Variants in BEGAIN observed in about 807,000 individuals in gnomAD.
BEGAIN encodes the protein brain-enriched guanylate kinase-associated protein.
In BEGAIN, 19 loss-of-function variants were observed where a neutral mutation model predicts 35.8. The observed-to-expected ratio is 0.53, with a 90% confidence interval of 0.37 to 0.78. BEGAIN has a LOEUF of 0.78. BEGAIN is among the 30% of genes least tolerant of loss of function. BEGAIN has a pLI of 0.00. For synonymous variants in BEGAIN, 462 were observed against 388.6 expected (o/e 1.19, Z -2.22); for missense variants, 795 against 853.6 (o/e 0.93, Z 0.85).
intron 2 of BEGAIN, among the ~76,000 whole-genome samples, chr14:100,565,821 C>T (rs1233779550): frequency 6.6e-6 from 1 of 152,192 alleles, no homozygotes; most frequent in Non-Finnish European, 1.5e-5. Context: ...GTGGTTAGGA[C>T]ACCCACTTTA....
intron 1 of BEGAIN, among the ~76,000 whole-genome samples, chr14:100,571,430 AC>A (rs1249407971): frequency 6.6e-6 from 1 of 151,914 alleles, no homozygotes; most frequent in Non-Finnish European, 1.5e-5. Context: ...ATGCCCGTCC[AC>A]CCTTTCCTCT....
chr14:100,574,049 G>A (rs2035148988), intron 1 of BEGAIN, among the ~76,000 whole-genome samples: 1 of 152,152 alleles, frequency 6.6e-6, no homozygotes, highest in South Asian at 2.1e-4. Flanking sequence ...TGACCCACAG[G>A]TAGGACAAGG....
At chr14:100,575,651 G>A (rs1362690119) in intron 1 of BEGAIN, among the ~76,000 whole-genome samples, 1 of 152,156 alleles carries the variant, frequency 6.6e-6, no homozygotes, top group Non-Finnish European at 1.5e-5. Context: ...GTGGGGGAAG[G>A]TGGGGTGCAG....
At chr14:100,585,875 G>A (rs575512210) in intron 1 of BEGAIN, among the ~76,000 whole-genome samples, 2 of 152,380 alleles carry the variant, frequency 1.3e-5, no homozygotes, top group South Asian at 4.1e-4. Flanking sequence ...GGCCCTTGGC[G>A]GCAGCGCAGC....
rs896013940 is a variant in BEGAIN at position 100,563,039 on chromosome 14, C to A, written c.71+4872G>T. ...GGAGAGGGTGCCCTTTGAGGGGGGG[C>A]GTGGAGGGGCAGGGCAGGACAGGGT... On this transcript the variant is annotated intron_variant, in intron 2 of 6. Transcript: ENST00000554140. This position sits in a 1 kb window ranked among gnomAD's most constrained non-coding sequence, Gnocchi z 4.2. 1.3e-5 allele frequency among the ~76,000 whole-genome samples: 2 copies of A among 152,064 alleles called. No individual in the cohort carries two copies. The highest frequency in any genetic ancestry group is 4.8e-5 in the African/African-American group (2 of 41,400).
chr14:100,579,789 T>G (rs2035278274), intron 1 of BEGAIN, among the ~76,000 whole-genome samples: 1 of 152,092 alleles, frequency 6.6e-6, no homozygotes, highest in South Asian at 2.1e-4. Flanking sequence ...CCGCTTCAAC[T>G]CTTTCCTTCC....
rs1176979694 is a variant in BEGAIN, at chr14:100,539,211, G to C, written c.597C>G (p.Thr199=). 3.2e-6 allele frequency: 5 copies of C among 1,585,536 alleles called. No individual in the cohort carries two copies. Among genetic ancestry groups the C allele is most frequent in the South Asian group, 1.2e-5 (1 of 86,386 alleles). Reference sequence around the variant, plus strand: ...TCTCCAGCACCTTGGCAATGACGCAGGTGGGGACGCTGTCGGCGTAGGCCG... The same window carrying C: ...TCTCCAGCACCTTGGCAATGACGCACGTGGGGACGCTGTCGGCGTAGGCCG... ...CHPAYADSVP[T]CVIAKVLEKP... is the part of the protein sequence containing the mutation. The change falls in exon 7 of 7, where the codon ACC becomes ACG. Residue 199 remains threonine (T), a synonymous_variant. Transcript: ENST00000554140.
At chr14:100,552,174 G>A (rs1028343359) in intron 2 of BEGAIN, among the ~76,000 whole-genome samples, 10 of 152,166 alleles carry the variant, frequency 6.6e-5, no homozygotes, top group Non-Finnish European at 1.3e-4. Flanking sequence ...GAGTAGAAAG[G>A]CTAGGACCCA....
At chr14:100,575,304 C>T (rs2035178675) in intron 1 of BEGAIN, among the ~76,000 whole-genome samples, 1 of 152,196 alleles carries the variant, frequency 6.6e-6, no homozygotes, top group Admixed American at 6.5e-5. Context: ...ACGAGGCACA[C>T]AGTGGGTGCT....
chr14:100,561,223 C>G (rs2034224736), intron 2 of BEGAIN, among the ~76,000 whole-genome samples: 6 of 152,166 alleles, frequency 3.9e-5, no homozygotes, highest in Admixed American at 3.9e-4. Flanking sequence ...TCAGAGGGCC[C>G]CACGCTGCCA....
In BEGAIN at chr14:100,573,424, C is replaced by T. The variant is rs2035133623; in HGVS notation, c.43-5485G>A. 6.6e-6 allele frequency among the ~76,000 whole-genome samples: 1 copy of T among 152,090 alleles called. No individual in the cohort carries two copies. The highest frequency in any genetic ancestry group is 2.1e-4 in the South Asian group (1 of 4,830). On this transcript the variant is annotated intron_variant, in intron 1 of 6. Coordinates refer to ENST00000554140, the MANE Select transcript of BEGAIN (RefSeq NM_001385089.1). The surrounding 1 kb of genome is among the most constrained non-coding windows in gnomAD (Gnocchi z 4.2). ...GGAAGGAGCAGCTGGGGTGCGGGGC[C>T]TCGTGCACCCTCATCAGGACCTTGG...
At chr14:100,544,126 C>A (rs1482232343) in intron 4 of BEGAIN, among the ~76,000 whole-genome samples, 161 bp from the exon 5 acceptor site, 1 of 152,188 alleles carries the variant, frequency 6.6e-6, no homozygotes, top group African/African-American at 2.4e-5. Flanking sequence ...GACCCTGGTT[C>A]AATTCCTGGG....
Position 100,538,692 on chromosome 14 carries a change from C to A in BEGAIN, c.1116G>T (p.Thr372=). The change falls in exon 7 of 7, where the codon ACG becomes ACT. Residue 372 remains threonine, a synonymous_variant. Transcript: ENST00000554140. ...CCTCCAGCGGGGCCGCCACCGCGGCCGTGGCCTTGGCAAAGCGAGGGCTGC... is the reference window on the plus strand; with the variant it reads ...CCTCCAGCGGGGCCGCCACCGCGGCAGTGGCCTTGGCAAAGCGAGGGCTGC... ...YEGSPRFAKA[T]AAVAAPLEAE... 6.4e-7 allele frequency: 1 copy of A among 1,556,766 alleles called. No homozygotes were observed. Among genetic ancestry groups the A allele is most frequent in the Non-Finnish European group, 8.7e-7 (1 of 1,150,506 alleles).
In BEGAIN at chr14:100,587,363, C is replaced by T. The variant is rs1411956249; in HGVS notation, c.-73G>A. ...CCCCTCCCCTCCGAGGCCGAGCGCGCCGGGAGCCGGCGCGGCCGGGGCTCC... is the reference window on the plus strand; with the variant it reads ...CCCCTCCCCTCCGAGGCCGAGCGCGTCGGGAGCCGGCGCGGCCGGGGCTCC... On this transcript the variant is annotated 5_prime_UTR_variant, in exon 1 of 7. Transcript: ENST00000554140. 4 of 146,548 alleles carry T rather than the reference C, an allele frequency of 2.7e-5. No homozygotes were observed. The highest frequency in any genetic ancestry group is 9.8e-5 in the African/African-American group (4 of 40,734). The allele number at this position is 146,548 out of a possible 1,614,324, so 9.1% of individuals were successfully genotyped here.
chr14:100,538,132 C>T lies in BEGAIN; in HGVS notation c.1676G>A (p.Gly559Asp). 1 of 1,546,642 alleles carries T rather than the reference C, an allele frequency of 6.5e-7. No homozygotes were observed. The highest frequency in any genetic ancestry group is 8.7e-7 in the Non-Finnish European group (1 of 1,149,462). ...GCTCGGCTCCAAGGAGTCCCTGGAA[C>T]CCTGCTCGGGCTCAGGGCTGCTGGC... is the stretch of plus-strand genomic sequence containing the variant. ...GTASSPEPEQGSRDSLEPSSM... is the reference protein window; with the variant it reads ...GTASSPEPEQDSRDSLEPSSM... Residue 559 changes from glycine (G) to aspartate (D), a missense_variant, in exon 7 of 7, where the codon GGT (glycine) becomes GAT (aspartate). This residue lies in a region of BEGAIN where 664 missense variants were observed against 647.7 expected (regional missense o/e 1.03). Coordinates refer to ENST00000554140, the MANE Select transcript of BEGAIN (RefSeq NM_001385089.1).
intron 2 of BEGAIN, among the ~76,000 whole-genome samples, chr14:100,566,472 TAA>T (rs1477370105): frequency 1.3e-5 from 2 of 152,270 alleles, no homozygotes; most frequent in Non-Finnish European, 2.9e-5. Flanking sequence ...CCATGAATGC[TAA>T]GTTTTTCCTC....
At chr14:100,557,913 C>A (rs2033900742) in intron 2 of BEGAIN, among the ~76,000 whole-genome samples, 1 of 152,140 alleles carries the variant, frequency 6.6e-6, no homozygotes, top group African/African-American at 2.4e-5. Context: ...TCGCAGATGT[C>A]ATCTCCACAT....
chr14:100,551,229 G>A lies in BEGAIN; in HGVS notation c.72-4567C>T, dbSNP rs186382504. ...TGGGTGTGAGGAAGGACATGGGCCC[G>A]GCCCGGCCCTGCTAGGGTGTTGGCC... On this transcript the variant is annotated intron_variant, in intron 2 of 6. Transcript: ENST00000554140. 1.6e-4 allele frequency among the ~76,000 whole-genome samples: 24 copies of A among 152,312 alleles called. No individual in the cohort carries two copies. In the East Asian group the frequency reaches 3.9e-3, roughly 24 times the overall value.
intron 3 of BEGAIN, 41 bp from the exon 4 acceptor site, chr14:100,545,107 G>A: frequency 6.2e-7 from 1 of 1,611,718 alleles, no homozygotes; most frequent in South Asian, 1.1e-5. Context: ...TGCAAGGCCT[G>A]TCCCTCCCAC....
Sources: allele counts gnomAD v4.1 joint callset (sites outside exome capture counted in the v4.1 genomes callset), GRCh38; gene constraint gnomAD v4.1.1; regional missense constraint gnomAD v4.1.1; non-coding constraint Gnocchi (gnomAD v3.1); transcripts MANE v1.5; gene names NCBI Gene and HGNC (gene_info 2026-07-23, HGNC 2026-07-21).